Variants in FMNL2 observed in about 807,000 individuals in gnomAD.
The protein encoded by FMNL2 is formin-like protein 2.
Under a neutral mutation model 130.2 loss-of-function variants are expected in FMNL2, and 51 were observed. The ratio of observed to expected loss-of-function variants is 0.39; its 90% confidence interval spans 0.31 to 0.49. FMNL2 has a LOEUF of 0.49. FMNL2 is among the 20% of genes least tolerant of loss of function. The pLI is 0.85. For synonymous variants in FMNL2, 465 were observed against 467.1 expected (o/e 1.00, Z 0.06); for missense variants, 977 against 1,316.2 (o/e 0.74, Z 3.99).
intron 1 of FMNL2, among the ~76,000 whole-genome samples, chr2:152,411,729 A>G (rs1474261569): frequency 3.3e-5 from 5 of 152,214 alleles, no homozygotes; most frequent in African/African-American, 1.2e-4. Flanking sequence ...AAATCTTAGC[A>G]AATTCCTAGC....
chr2:152,562,295 T>G (rs1223967366), intron 6 of FMNL2, among the ~76,000 whole-genome samples: 1 of 152,244 alleles, frequency 6.6e-6, no homozygotes, highest in African/African-American at 2.4e-5. Context: ...TGTTTCTATC[T>G]TATTTCAGGC....
intron 4 of FMNL2, 105 bp from the exon 5 acceptor site, chr2:152,558,635 A>G: frequency 2.0e-6 from 2 of 986,412 alleles, no homozygotes; most frequent in Non-Finnish European, 3.1e-6. Flanking sequence ...CCTTTCAGGC[A>G]ATGAAAGTTT....
chr2:152,548,974 A>C (rs1426019544), intron 3 of FMNL2, 47 bp from the exon 4 acceptor site: 1 of 1,400,032 alleles, frequency 7.1e-7, no homozygotes, highest in South Asian at 1.3e-5. Context: ...CTTCAGTTAT[A>C]GCAGTTGCTA....
intron 2 of FMNL2, among the ~76,000 whole-genome samples, chr2:152,533,829 TTAAATTTATCTC>T: frequency 6.6e-6 from 1 of 152,162 alleles, no homozygotes; most frequent in East Asian, 1.9e-4. Flanking sequence ...TACACATATT[TTAAATTTATCTC>T]TAAATGTCAT....
At chr2:152,612,954 A>AT (rs1698762559) in intron 11 of FMNL2, among the ~76,000 whole-genome samples, 1 of 152,168 alleles carries the variant, frequency 6.6e-6, no homozygotes, top group Admixed American at 6.5e-5. Flanking sequence ...TTTGTTAGAG[A>AT]TAAACCCAAG....
chr2:152,641,085 G>A (rs1242883402), intron 25 of FMNL2, among the ~76,000 whole-genome samples, 171 bp downstream of exon 25: 4 of 152,156 alleles, frequency 2.6e-5, no homozygotes, highest in Non-Finnish European at 5.9e-5. Flanking sequence ...ACAGCAGCAT[G>A]TATACTGCCC....
chr2:152,551,860 TA>T (rs1694955166), intron 4 of FMNL2, among the ~76,000 whole-genome samples: 1 of 152,020 alleles, frequency 6.6e-6, no homozygotes, highest in African/African-American at 2.4e-5. Flanking sequence ...TACAAAAAAA[TA>T]AAATATTAGC....
chr2:152,489,238 C>G (rs942082104), intron 1 of FMNL2, among the ~76,000 whole-genome samples: 1 of 150,886 alleles, frequency 6.6e-6, no homozygotes, highest in Non-Finnish European at 1.5e-5. Context: ...AAAGTAATTC[C>G]TAGCCATCCG....
chr2:152,405,652 C>G (rs2105978671), intron 1 of FMNL2, among the ~76,000 whole-genome samples: 1 of 152,280 alleles, frequency 6.6e-6, no homozygotes, highest in East Asian at 1.9e-4. Context: ...TAGAGACCAA[C>G]TGGTCCAACT....
intron 15 of FMNL2, among the ~76,000 whole-genome samples, chr2:152,622,864 A>C: frequency 1.5e-5 from 2 of 137,892 alleles, no homozygotes; most frequent in African/African-American, 2.7e-5. Context: ...TGTATCTGAG[A>C]CTTCAACTCT....
At chr2:152,525,966 A>G (rs1252458642) in intron 2 of FMNL2, among the ~76,000 whole-genome samples, 1 of 152,204 alleles carries the variant, frequency 6.6e-6, no homozygotes, top group African/African-American at 2.4e-5. Context: ...CTATTTCTTT[A>G]AAAAAGAAGG....
chr2:152,566,915 T>G lies in FMNL2; in HGVS notation c.596+5880T>G, dbSNP rs60409413. On this transcript the variant is annotated intron_variant, in intron 6 of 25. Coordinates refer to ENST00000288670, the MANE Select transcript of FMNL2 (RefSeq NM_052905.4). ...AAAGGGAGAAGTCAGGAGAGTGATC[T>G]GAGCGGAGGTTCAGTGGTAAGACCG... Among the ~76,000 whole-genome samples, 333 of 152,310 alleles carry G rather than the reference T, an allele frequency of 2.2e-3. 2 individuals carry two copies. The highest frequency in any genetic ancestry group is 7.7e-3 in the African/African-American group (320 of 41,566).
At chr2:152,473,216 T>C (rs984501647) in intron 1 of FMNL2, among the ~76,000 whole-genome samples, 2 of 152,222 alleles carry the variant, frequency 1.3e-5, no homozygotes, top group African/African-American at 4.8e-5. Flanking sequence ...ATGATACATA[T>C]CTTTTTAAGA....
intron 15 of FMNL2, among the ~76,000 whole-genome samples, chr2:152,621,450 CCT>C (rs1173706860): frequency 2.0e-5 from 3 of 152,074 alleles, no homozygotes; most frequent in Non-Finnish European, 4.4e-5. Flanking sequence ...CTGTCAATTG[CCT>C]CAATATTTTA....
chr2:152,635,974 A>G (rs1174588791), intron 21 of FMNL2, among the ~76,000 whole-genome samples: 1 of 152,226 alleles, frequency 6.6e-6, no homozygotes. Context: ...AGCCTGGATG[A>G]CATTGTGAAA....
intron 1 of FMNL2, among the ~76,000 whole-genome samples, chr2:152,453,259 A>G (rs1688751525): frequency 6.6e-6 from 1 of 152,020 alleles, no homozygotes. Context: ...ATACGGCTGA[A>G]TGAAAGGTCA....
chr2:152,512,901 C>G (rs2105366553), intron 1 of FMNL2, among the ~76,000 whole-genome samples: 1 of 152,282 alleles, frequency 6.6e-6, no homozygotes, highest in African/African-American at 2.4e-5. Context: ...TTCAAGTGTT[C>G]CAACTACTTT....
At chr2:152,444,579 C>T (rs1215761253) in intron 1 of FMNL2, among the ~76,000 whole-genome samples, 2 of 152,158 alleles carry the variant, frequency 1.3e-5, no homozygotes, top group Non-Finnish European at 2.9e-5. Context: ...ATACTTAGCT[C>T]CCCTTTATCC....
At chr2:152,563,010 C>T (rs1296827612) in intron 6 of FMNL2, among the ~76,000 whole-genome samples, 1 of 151,950 alleles carries the variant, frequency 6.6e-6, no homozygotes, top group Non-Finnish European at 1.5e-5. Context: ...GTATTTTTTC[C>T]AGTAGAGCAG....
Sources: gnomAD v4.1 joint callset for allele counts (sites outside exome capture counted in the v4.1 genomes callset) on GRCh38, gnomAD v4.1.1 for gene constraint, MANE v1.5 for transcripts, NCBI Gene and HGNC (gene_info 2026-07-23, HGNC 2026-07-21) for gene names.